The following TNFSF8 variants were observed in gnomAD, a reference collection of about 807,000 sequenced individuals.
The protein encoded by TNFSF8 is TNF superfamily member 8, also known as tumor necrosis factor ligand superfamily member 8.
TNFSF8 carries 4 observed loss-of-function variants against 22.0 expected under a neutral mutation model. The observed-to-expected ratio is 0.18, with a 90% CI of 0.09 to 0.42. The LOEUF (loss-of-function observed/expected upper bound fraction) is 0.42. Among genes scored for constraint, TNFSF8 ranks in the 10% least tolerant of loss-of-function variants. The pLI, the probability that TNFSF8 is intolerant of heterozygous loss-of-function variation, is 1.00. For missense variants in TNFSF8, 233 were observed against 281.8 expected (o/e 0.83, Z 1.24); for synonymous variants, 106 against 112.5 (o/e 0.94, Z 0.37).
At chr9:114,919,590 G>T (rs10982450) in intron 1 of TNFSF8, among the ~76,000 whole-genome samples, 54,779 of 151,992 alleles carry the variant, frequency 0.36, 10,406 homozygotes, top group Admixed American at 0.45. Flanking sequence ...CTTTTGACCT[G>T]CCCAGGTTGG....
chr9:114,920,018 G>C (rs572817929), intron 1 of TNFSF8, among the ~76,000 whole-genome samples: 3 of 152,160 alleles, frequency 2.0e-5, no homozygotes, highest in Non-Finnish European at 4.4e-5. Flanking sequence ...AACAGTCTAC[G>C]ACTTTGTTGC....
intron 4 of TNFSF8, chr9:114,894,306 T>C (rs1216811243): frequency 4.3e-6 from 3 of 690,698 alleles, no homozygotes; most frequent in South Asian, 3.4e-5. Context: ...AGTAAATTTT[T>C]AGACAGAAGT....
intron 2 of TNFSF8, among the ~76,000 whole-genome samples, chr9:114,908,932 C>G (rs1827819527): frequency 6.6e-6 from 1 of 152,130 alleles, no homozygotes; most frequent in African/African-American, 2.4e-5. Context: ...CCGTGGGGCC[C>G]AAGCACTAAA....
At chr9:114,909,039 T>C (rs1827820374) in intron 2 of TNFSF8, among the ~76,000 whole-genome samples, 1 of 152,130 alleles carries the variant, frequency 6.6e-6, no homozygotes, top group South Asian at 2.1e-4. Context: ...AGACGTACAC[T>C]AAAAACACCT....
intron 2 of TNFSF8, among the ~76,000 whole-genome samples, chr9:114,907,488 A>G (rs138569131): frequency 1.8e-4 from 28 of 152,276 alleles, no homozygotes; most frequent in African/African-American, 6.5e-4. Context: ...AAGCTGCAGA[A>G]CATCAAGCCA....
intron 1 of TNFSF8, among the ~76,000 whole-genome samples, chr9:114,923,522 C>CTTTCTTTTTT (rs758823996): frequency 5.6e-5 from 5 of 89,742 alleles, no homozygotes; most frequent in South Asian, 7.5e-4. Context: ...TTCTTTCTTT[C>CTTTCTTTTTT]TTTTTTTTTT....
At position 114,904,746 on chromosome 9, in the gene TNFSF8, T is replaced by C. The variant is rs200855382; in HGVS notation, c.311-421A>G. ...TGGTCATTGCAAAAGGTATCAGAGA[T>C]AGGAAATTCAATAATATTGAGTTTG... is the stretch of plus-strand genomic sequence containing the variant. On this transcript the variant is annotated intron_variant, in intron 3 of 3. Coordinates refer to ENST00000223795, the MANE Select transcript of TNFSF8 (RefSeq NM_001244.4). Among the ~76,000 whole-genome samples, 14 of 152,336 alleles carry C rather than the reference T, an allele frequency of 9.2e-5. No individual in the cohort carries two copies. The East Asian group carries it at 2.7e-3, about 29-fold the overall frequency.
downstream of TNFSF8, among the ~76,000 whole-genome samples, chr9:114,897,522 G>A (rs924489570): frequency 8.5e-5 from 13 of 152,222 alleles, no homozygotes; most frequent in Non-Finnish European, 1.2e-4. Context: ...TGCAATTAAC[G>A]ATGGGGAAGC....
At chr9:114,912,631 C>T (rs1210385540) in intron 2 of TNFSF8, among the ~76,000 whole-genome samples, 1 of 152,232 alleles carries the variant, frequency 6.6e-6, no homozygotes, top group Non-Finnish European at 1.5e-5. Context: ...CCTTGTGATC[C>T]ACCCGCCTCA....
chr9:114,918,238 AT>A, intron 1 of TNFSF8, 100 bp from the exon 2 acceptor site: 1 of 988,584 alleles, frequency 1.0e-6, no homozygotes, highest in Non-Finnish European at 1.4e-6. Flanking sequence ...GTACTGTGCA[AT>A]TTACAATTCA....
At chr9:114,921,532 G>C (rs1827987676) in intron 1 of TNFSF8, among the ~76,000 whole-genome samples, 1 of 152,224 alleles carries the variant, frequency 6.6e-6, no homozygotes, top group Non-Finnish European at 1.5e-5. Flanking sequence ...CCTGCATTTG[G>C]AGGTGGAGAA....
chr9:114,926,929 T>C (rs1828068232), intron 1 of TNFSF8, among the ~76,000 whole-genome samples: 1 of 147,454 alleles, frequency 6.8e-6, no homozygotes, highest in African/African-American at 2.5e-5. Context: ...TATTATAAAA[T>C]ATATCAATAT....
At chr9:114,911,830 T>G (rs1165695177) in intron 2 of TNFSF8, among the ~76,000 whole-genome samples, 1 of 152,046 alleles carries the variant, frequency 6.6e-6, no homozygotes, top group East Asian at 1.9e-4. Flanking sequence ...TCTGACACTA[T>G]GGGCATTTCC....
At position 114,930,418 on chromosome 9, in the gene TNFSF8, A is replaced by G. The variant is rs1828126802; in HGVS notation, c.-115T>C. The G allele has an allele frequency of 7.9e-6, 7 of 886,956 alleles. No homozygotes were observed. In the East Asian group the frequency reaches 9.4e-5, roughly 12 times the overall value. The allele number at this position is 886,956 out of a possible 1,614,324, so 54.9% of individuals were successfully genotyped here. On this transcript the variant is annotated 5_prime_UTR_variant, in exon 1 of 4. Transcript: ENST00000223795. Reference sequence around the variant, plus strand: ...CTGAATCCTGAATCATGTGACTTGGAAAAAAACCTTCACCTGCTGCCTGGT... The same window carrying G: ...CTGAATCCTGAATCATGTGACTTGGGAAAAAACCTTCACCTGCTGCCTGGT...
downstream of TNFSF8, among the ~76,000 whole-genome samples, chr9:114,900,023 C>A (rs954543222): frequency 1.3e-5 from 2 of 152,172 alleles, no homozygotes; most frequent in Non-Finnish European, 2.9e-5. Flanking sequence ...ATTAAATGTT[C>A]TTGCATAGAA....
At chr9:114,895,168 T>C (rs1269442729) in intron 4 of TNFSF8, among the ~76,000 whole-genome samples, 1 of 152,268 alleles carries the variant, frequency 6.6e-6, no homozygotes, top group Non-Finnish European at 1.5e-5. Flanking sequence ...CTGATATCCC[T>C]GCCTGGTAAT....
chr9:114,913,019 G>A (rs1296380845), intron 2 of TNFSF8, among the ~76,000 whole-genome samples: 1 of 152,206 alleles, frequency 6.6e-6, no homozygotes, highest in Non-Finnish European at 1.5e-5. Context: ...TCAGGGTTAG[G>A]ACATCTGGCT....
Position 114,930,324 on chromosome 9 carries a change from C to T in TNFSF8, c.-21G>A. ...TCCATTCTTTATATAGTCTTCCCCA[C>T]ATCACACCTTATCTCTCTTCATCTG... is the stretch of plus-strand genomic sequence containing the variant. On this transcript the variant is annotated 5_prime_UTR_variant, in exon 1 of 4. It adds an upstream start codon to the 5' untranslated region. Transcript: ENST00000223795. 3.4e-6 allele frequency: 5 copies of T among 1,477,062 alleles called. No individual in the cohort carries two copies. The highest frequency in any genetic ancestry group is 4.5e-6 in the Non-Finnish European group (5 of 1,106,356). The allele number at this position is 1,477,062 out of a possible 1,614,324, so 91.5% of individuals were successfully genotyped here.
At chr9:114,909,309 C>T (rs2208639) in intron 2 of TNFSF8, among the ~76,000 whole-genome samples, 3 of 152,116 alleles carry the variant, frequency 2.0e-5, no homozygotes, top group African/African-American at 7.2e-5. Flanking sequence ...TGCAATGTCC[C>T]TGGAATTCTG....
Sources: gnomAD v4.1 joint callset for allele counts (sites outside exome capture counted in the v4.1 genomes callset) on GRCh38, gnomAD v4.1.1 for gene constraint, MANE v1.5 for transcripts, NCBI Gene and HGNC (gene_info 2026-07-23, HGNC 2026-07-21) for gene names.